The following ARHGAP24 variants were observed in gnomAD, a reference collection of about 807,000 sequenced individuals.
ARHGAP24 encodes the protein rho GTPase-activating protein 24.
ARHGAP24 carries 50 observed loss-of-function variants against 76.4 expected under a neutral mutation model. That is an observed-to-expected ratio of 0.65 (90% CI 0.52 to 0.83). The LOEUF is 0.83. Among genes scored for constraint, ARHGAP24 ranks in the 40% least tolerant of loss-of-function variants. The pLI is 0.00. For synonymous variants in ARHGAP24, 345 were observed against 323.3 expected, an observed-to-expected ratio of 1.07 and a Z score of -0.72; for missense variants, 930 against 914.2, an observed-to-expected ratio of 1.02 and a Z score of -0.22.
At chr4:85,677,359 C>A (rs894540567) in intron 2 of ARHGAP24, among the ~76,000 whole-genome samples, 3 of 152,192 alleles carry the variant, frequency 2.0e-5, no homozygotes, top group Non-Finnish European at 4.4e-5. Flanking sequence ...TGCTACCCAA[C>A]CTAGTTAGGC....
intron 3 of ARHGAP24, among the ~76,000 whole-genome samples, chr4:85,750,963 A>C (rs535294466): frequency 5.9e-5 from 9 of 152,344 alleles, no homozygotes; most frequent in African/African-American, 2.2e-4. Flanking sequence ...AATTTTTAGA[A>C]TACTACACAA....
rs1405113626 is a variant in ARHGAP24 at position 86,000,884 on chromosome 4, C to G, written c.*162C>G. 9.7e-7 allele frequency: 1 copy of G among 1,035,204 alleles called. No homozygotes were observed. The highest frequency in any genetic ancestry group is 1.6e-5 in the African/African-American group (1 of 62,254). The allele number at this position is 1,035,204 out of a possible 1,614,324, so 64.1% of individuals were successfully genotyped here. On this transcript the variant is annotated 3_prime_UTR_variant, in exon 10 of 10. Coordinates refer to ENST00000395184, the MANE Select transcript of ARHGAP24 (RefSeq NM_001025616.3). Reference sequence around the variant, plus strand: ...TAAACATCCATATCTGCAATGTGTACCAAAGTTATATCATGCCCCATAATG... The same window carrying G: ...TAAACATCCATATCTGCAATGTGTAGCAAAGTTATATCATGCCCCATAATG...
intron 3 of ARHGAP24, among the ~76,000 whole-genome samples, chr4:85,748,091 G>A (rs1726120858): frequency 6.6e-6 from 1 of 152,234 alleles, no homozygotes; most frequent in African/African-American, 2.4e-5. Flanking sequence ...TTCCCTGTAA[G>A]GCAGGCACTT....
chr4:85,887,330 A>G (rs1338330477), intron 3 of ARHGAP24, among the ~76,000 whole-genome samples: 2 of 152,142 alleles, frequency 1.3e-5, no homozygotes, highest in Non-Finnish European at 2.9e-5. Context: ...GTTTCTTCTC[A>G]TCCAAGGTTA....
At chr4:85,590,205 C>CCTTG (rs1728032311) in intron 2 of ARHGAP24, among the ~76,000 whole-genome samples, 7 of 67,330 alleles carry the variant, frequency 1.0e-4, no homozygotes, top group African/African-American at 3.3e-4. Flanking sequence ...TTCCTTCCTT[C>CCTTG]CTTCCTTCCT....
chr4:85,748,607 A>G (rs142851250), intron 3 of ARHGAP24, among the ~76,000 whole-genome samples: 2 of 152,368 alleles, frequency 1.3e-5, no homozygotes, highest in African/African-American at 2.4e-5. Context: ...TTGTGGATAT[A>G]TGAGAGACAC....
chr4:85,981,274 C>T lies in ARHGAP24; in HGVS notation c.928+3583C>T, dbSNP rs1295200718. Among the ~76,000 whole-genome samples, 4 of 152,182 alleles carry T rather than the reference C, an allele frequency of 2.6e-5. No homozygotes were observed. The South Asian group carries it at 8.3e-4, about 32-fold the overall frequency. On this transcript the variant is annotated intron_variant, in intron 8 of 9. Coordinates refer to ENST00000395184, the MANE Select transcript of ARHGAP24 (RefSeq NM_001025616.3). ...ATTCTCAAAAATGAACTAAACGTTT[C>T]ACTTCAAGAAATACAGCTGTCAGAG...
chr4:85,854,422 A>G (rs1731440009), intron 3 of ARHGAP24, among the ~76,000 whole-genome samples: 1 of 152,192 alleles, frequency 6.6e-6, no homozygotes, highest in Admixed American at 6.5e-5. Context: ...ATAATGAGTA[A>G]CATCCTAAGA....
chr4:85,490,120 G>C (rs1578182372), intron 1 of ARHGAP24, among the ~76,000 whole-genome samples: 1 of 152,188 alleles, frequency 6.6e-6, no homozygotes, highest in East Asian at 1.9e-4. Flanking sequence ...GCAGAAATGG[G>C]AGGGAGAGGG....
At chr4:85,907,933 G>A (rs1431980982) in intron 3 of ARHGAP24, among the ~76,000 whole-genome samples, 1 of 152,088 alleles carries the variant, frequency 6.6e-6, no homozygotes, top group Non-Finnish European at 1.5e-5. Context: ...GCAAAATAAG[G>A]CTCGGAAAAA....
chr4:85,854,562 G>A (rs570083068), intron 3 of ARHGAP24, among the ~76,000 whole-genome samples: 13 of 152,188 alleles, frequency 8.5e-5, no homozygotes, highest in African/African-American at 2.6e-4. Flanking sequence ...AACTCCTTTT[G>A]GAAAGTTCCA....
intron 8 of ARHGAP24, among the ~76,000 whole-genome samples, chr4:85,983,489 C>G (rs1048660203): frequency 7.9e-5 from 12 of 152,132 alleles, no homozygotes; most frequent in African/African-American, 2.9e-4. Flanking sequence ...GAGATGGCAT[C>G]TCATTGGAAC....
chr4:85,894,815 G>A (rs922794417), intron 3 of ARHGAP24, among the ~76,000 whole-genome samples: 1 of 151,728 alleles, frequency 6.6e-6, no homozygotes, highest in Non-Finnish European at 1.5e-5. Context: ...ACCACAATTA[G>A]CTGGGCGTGG....
chr4:85,800,087 T>C (rs1354409037), intron 3 of ARHGAP24, among the ~76,000 whole-genome samples: 1 of 152,214 alleles, frequency 6.6e-6, no homozygotes, highest in Non-Finnish European at 1.5e-5. Flanking sequence ...AGCAAAGTAA[T>C]CTCTGTAGTG....
intron 2 of ARHGAP24, among the ~76,000 whole-genome samples, chr4:85,579,934 G>A (rs571620469): frequency 1.3e-5 from 2 of 152,182 alleles, no homozygotes; most frequent in South Asian, 4.1e-4. Context: ...AAGTGTTTTT[G>A]TAGCCATATG....
At chr4:85,770,652 C>T (rs553223299) in intron 3 of ARHGAP24, among the ~76,000 whole-genome samples, 1 of 152,312 alleles carries the variant, frequency 6.6e-6, no homozygotes, top group African/African-American at 2.4e-5. Context: ...AGTAATCTTA[C>T]TAAATCCCCT....
At chr4:85,655,561 C>A (rs892118816) in intron 2 of ARHGAP24, among the ~76,000 whole-genome samples, 1 of 151,780 alleles carries the variant, frequency 6.6e-6, no homozygotes, top group Non-Finnish European at 1.5e-5. Context: ...GCAGGTGGAT[C>A]ACTTGAGGCC....
intron 5 of ARHGAP24, among the ~76,000 whole-genome samples, chr4:85,946,701 T>C (rs1371014374): frequency 6.6e-6 from 1 of 152,232 alleles, no homozygotes; most frequent in Non-Finnish European, 1.5e-5. Flanking sequence ...ATGGTATATA[T>C]GTACCACTTT....
chr4:85,835,424 G>A (rs1451428543), intron 3 of ARHGAP24, among the ~76,000 whole-genome samples: 2 of 151,472 alleles, frequency 1.3e-5, no homozygotes, highest in Non-Finnish European at 2.9e-5. Flanking sequence ...GCCAGGCGTG[G>A]TGGCGGGCGT....
Sources: gnomAD v4.1 joint callset for allele counts (sites outside exome capture counted in the v4.1 genomes callset) on GRCh38, gnomAD v4.1.1 for gene constraint, MANE v1.5 for transcripts, NCBI Gene and HGNC (gene_info 2026-07-23, HGNC 2026-07-21) for gene names.